The following BSPRY variants were observed in gnomAD, a reference collection of about 807,000 sequenced individuals.
The protein encoded by BSPRY is B box and SPRY domain-containing protein.
A neutral mutation model predicts 38.0 loss-of-function variants in BSPRY; 33 were observed. The ratio of observed to expected loss-of-function variants is 0.87; its 90% CI spans 0.66 to 1.16. The LOEUF is 1.16. BSPRY is among the 50% of genes most tolerant of loss of function. BSPRY has a pLI of 0.00. For missense variants in BSPRY, 523 were observed against 533.2 expected (o/e 0.98, Z 0.19); for synonymous variants, 224 against 228.5 (o/e 0.98, Z 0.18).
At position 113,369,609 on chromosome 9, in the gene BSPRY, C is replaced by A. The variant is rs771857676; in HGVS notation, c.683-7C>A. 1.9e-6 allele frequency: 3 copies of A among 1,593,610 alleles called. No individual in the cohort carries two copies. In the Admixed American group the frequency reaches 5.2e-5, roughly 28 times the overall value. Reference sequence around the variant, plus strand: ...CCCTCGGCAACTCTGAGAATTCTTTCTGGCAGGCACAGAGGACATACGGAT... The same window carrying A: ...CCCTCGGCAACTCTGAGAATTCTTTATGGCAGGCACAGAGGACATACGGAT... On this transcript the variant is annotated splice_region_variant and splice_polypyrimidine_tract_variant and intron_variant, in intron 5 of 5. Coordinates refer to ENST00000374183, the MANE Select transcript of BSPRY (RefSeq NM_017688.3).
rs1833932713 is a variant in BSPRY, at chr9:113,349,577, G to GC, written c.-1dup. The GC allele has an allele frequency of 1.4e-5, 16 of 1,161,742 alleles. No individual in the cohort carries two copies. The highest frequency in any genetic ancestry group is 1.6e-5 in the Non-Finnish European group (15 of 943,848). 72.0% of individuals were successfully genotyped at this position (1,161,742 alleles called of 1,614,324 possible). A position where few individuals can be genotyped will look rare whatever the true frequency, so the allele number is the denominator to read the frequency against. On this transcript the variant is annotated 5_prime_UTR_variant, in exon 1 of 6. Transcript: ENST00000374183. ...GTGGAGCGCACGGGGCGGGCGCACG[G>GC]CCATGTCCGCCGAGGGCGCGGAGCC... is the stretch of plus-strand genomic sequence containing the variant.
intron 1 of BSPRY, among the ~76,000 whole-genome samples, chr9:113,352,600 A>G (rs957760492): frequency 6.6e-5 from 10 of 152,242 alleles, no homozygotes; most frequent in Non-Finnish European, 1.2e-4. Flanking sequence ...GGATAGAGGT[A>G]GAAAGTGATG....
chr9:113,362,493 C>A, intron 4 of BSPRY, 99 bp downstream of exon 4: 1 of 1,304,846 alleles, frequency 7.7e-7, no homozygotes, highest in Non-Finnish European at 1.1e-6. Context: ...GGAGAATGCA[C>A]AGGGTGTGCA....
At chr9:113,359,512 T>C (rs1431186362) in intron 2 of BSPRY, among the ~76,000 whole-genome samples, 2 of 152,238 alleles carry the variant, frequency 1.3e-5, no homozygotes, top group African/African-American at 2.4e-5. Context: ...AGCTGCTGGC[T>C]GTCCCTGACT....
chr9:113,357,930 ATATATATATATATC>A (rs1407278042), intron 2 of BSPRY, among the ~76,000 whole-genome samples: 23 of 62,034 alleles, frequency 3.7e-4, no homozygotes, highest in African/African-American at 1.5e-3. Context: ...ATATATATAT[ATATATATATATATC>A]TCTATTAAGC....
chr9:113,365,264 G>C (rs1588067939), intron 4 of BSPRY, among the ~76,000 whole-genome samples: 1 of 151,754 alleles, frequency 6.6e-6, no homozygotes, highest in African/African-American at 2.4e-5. Context: ...TGTCCCTTCA[G>C]ACTTTCTCCC....
Position 113,369,856 on chromosome 9 carries a change from C to A in BSPRY, c.923C>A (p.Pro308His). The change falls in exon 6 of 6, where the codon CCC becomes CAC. Residue 308 changes from proline to histidine, a missense_variant. By Grantham distance (77) the Pro-to-His change is moderately conservative (BLOSUM62 -2). Transcript: ENST00000374183. ...YKVGVASGHLPRKGSGSDCRL... is the reference protein window; with the variant it reads ...YKVGVASGHLHRKGSGSDCRL... Reference sequence around the variant, plus strand: ...GTGGGCGTGGCTTCAGGCCACCTGCCCCGCAAGGGTTCTGGCAGTGACTGC... The same window carrying A: ...GTGGGCGTGGCTTCAGGCCACCTGCACCGCAAGGGTTCTGGCAGTGACTGC... The A allele has an allele frequency of 6.2e-7, 1 of 1,614,210 alleles. No homozygotes were observed. The highest frequency in any genetic ancestry group is 8.5e-7 in the Non-Finnish European group (1 of 1,180,032).
At chr9:113,363,753 C>T (rs1834194715) in intron 4 of BSPRY, among the ~76,000 whole-genome samples, 1 of 151,498 alleles carries the variant, frequency 6.6e-6, no homozygotes, top group Non-Finnish European at 1.5e-5. Context: ...TGGTGTGTGC[C>T]TGTAGTCCCA....
chr9:113,368,400 C>T lies in BSPRY; in HGVS notation c.682+17C>T. On this transcript the variant is annotated intron_variant, in intron 5 of 5. Transcript: ENST00000374183. ...CTCTCTCAGGTTAGGAGCAGTAGAGCCCAGGACCATTAGGACAACTGGGCT... is the reference window on the plus strand; with the variant it reads ...CTCTCTCAGGTTAGGAGCAGTAGAGTCCAGGACCATTAGGACAACTGGGCT... 6.2e-7 allele frequency: 1 copy of T among 1,612,024 alleles called. No homozygotes were observed. The highest frequency in any genetic ancestry group is 2.2e-5 in the East Asian group (1 of 44,836).
At chr9:113,365,748 AGAGTGTGTGT>A (rs1834237689) in intron 4 of BSPRY, among the ~76,000 whole-genome samples, 2 of 139,218 alleles carry the variant, frequency 1.4e-5, no homozygotes, top group African/African-American at 5.2e-5. Flanking sequence ...AGAGAGAGAG[AGAGTGTGTGT>A]GTGTGTGTGT....
At chr9:113,352,002 G>A (rs1267027367) in intron 1 of BSPRY, among the ~76,000 whole-genome samples, 2 of 152,106 alleles carry the variant, frequency 1.3e-5, no homozygotes, top group African/African-American at 2.4e-5. Context: ...GTAGAGATGG[G>A]GTTTCACCAC....
rs1461635747 is a variant in BSPRY at position 113,368,127 on chromosome 9, C to T, written c.558-132C>T. 4.3e-6 allele frequency: 5 copies of T among 1,165,916 alleles called. No homozygotes were observed. The East Asian group carries it at 1.2e-4, about 28-fold the overall frequency. 72.2% of individuals were successfully genotyped at this position (1,165,916 alleles called of 1,614,324 possible). ...AGGGTCACAGGGGTGAGCCACTGCA[C>T]CTGGCCCTAGCTGCCAATCTTGGTA... On this transcript the variant is annotated intron_variant, in intron 4 of 5. Coordinates refer to ENST00000374183, the MANE Select transcript of BSPRY (RefSeq NM_017688.3).
chr9:113,349,776 T>G lies in BSPRY; in HGVS notation c.197T>G (p.Leu66Arg). The G allele has an allele frequency of 1.6e-6, 2 of 1,233,484 alleles. No individual in the cohort carries two copies. Among genetic ancestry groups the G allele is most frequent in the Non-Finnish European group, 2.0e-6 (2 of 988,892 alleles). 76.4% of individuals were successfully genotyped at this position (1,233,484 alleles called of 1,614,324 possible). A position where few individuals can be genotyped will look rare whatever the true frequency, so the allele number is the denominator to read the frequency against. ...IRRAEERAEE[L>R]RNKIVDQCER... ...CGGGCGGAGGAGCGCGCCGAGGAGC[T>G]GCGGGTGAGCGGGTGTGGGCGCCGG... Residue 66 changes from leucine to arginine, a missense_variant, in exon 1 of 6, where the codon CTG becomes CGG. Leu to Arg is a moderately radical substitution (Grantham distance 102). Coordinates refer to ENST00000374183, the MANE Select transcript of BSPRY (RefSeq NM_017688.3).
chr9:113,350,289 C>A (rs1413798794), intron 1 of BSPRY, among the ~76,000 whole-genome samples: 2 of 152,042 alleles, frequency 1.3e-5, no homozygotes, highest in Non-Finnish European at 2.9e-5. Flanking sequence ...GGACTCAAAG[C>A]CCCCCTCCTC....
chr9:113,362,998 T>C (rs7027638), intron 4 of BSPRY, among the ~76,000 whole-genome samples: 59,300 of 152,084 alleles, frequency 0.39, 13,374 homozygotes, highest in African/African-American at 0.62. Flanking sequence ...AATTTCAGAG[T>C]TATACTTAGG....
intron 2 of BSPRY, among the ~76,000 whole-genome samples, chr9:113,357,288 A>T (rs1449611576): frequency 1.3e-5 from 2 of 152,210 alleles, no homozygotes; most frequent in Non-Finnish European, 2.9e-5. Context: ...GATTCATGTG[A>T]TTACTACCAC....
chr9:113,349,756 G>A lies in BSPRY; in HGVS notation c.177G>A (p.Ala59=). 2.4e-6 allele frequency: 3 copies of A among 1,235,618 alleles called. No homozygotes were observed. In the South Asian group the frequency reaches 1.0e-4, roughly 42 times the overall value. 76.5% of individuals were successfully genotyped at this position (1,235,618 alleles called of 1,614,324 possible). A position where few individuals can be genotyped will look rare whatever the true frequency, so the allele number is the denominator to read the frequency against. ...GRCRGHRIRR[A]EERAEELRNK... ...GCCGGGGGCACCGCATCCGCCGGGCGGAGGAGCGCGCCGAGGAGCTGCGGG... is the reference window on the plus strand; with the variant it reads ...GCCGGGGGCACCGCATCCGCCGGGCAGAGGAGCGCGCCGAGGAGCTGCGGG... Residue 59 remains alanine, a synonymous_variant, in exon 1 of 6, where the codon GCG becomes GCA. Coordinates refer to ENST00000374183, the MANE Select transcript of BSPRY (RefSeq NM_017688.3).
chr9:113,362,470 C>A, intron 4 of BSPRY, 76 bp downstream of exon 4: 1 of 1,481,102 alleles, frequency 6.8e-7, no homozygotes, highest in Non-Finnish European at 9.4e-7. Flanking sequence ...TGCCTTCAGC[C>A]CTGCTGCTCT....
rs1834319309 is a variant in BSPRY at position 113,370,034 on chromosome 9, C to T, written c.1101C>T (p.Phe367=). The T allele has an allele frequency of 6.2e-7, 1 of 1,614,180 alleles. No individual in the cohort carries two copies. ...VLDLQVQELL[F]YEPASGTVLC... ...ACTTGCAGGTTCAGGAGCTGCTCTT[C>T]TATGAGCCAGCCTCCGGCACAGTGC... The change falls in exon 6 of 6, where the codon TTC becomes TTT. Residue 367 remains phenylalanine (F), a synonymous_variant. Coordinates refer to ENST00000374183, the MANE Select transcript of BSPRY (RefSeq NM_017688.3). This position sits in a 1 kb window ranked among gnomAD's most constrained non-coding sequence, Gnocchi z 4.8.
Sources: gnomAD v4.1 joint callset for allele counts (sites outside exome capture counted in the v4.1 genomes callset) on GRCh38, gnomAD v4.1.1 for gene constraint, Gnocchi (gnomAD v3.1) non-coding constraint, MANE v1.5 for transcripts, NCBI Gene and HGNC (gene_info 2026-07-23, HGNC 2026-07-21) for gene names.